Variants in CALN1 observed in about 807,000 individuals in gnomAD.
CALN1 encodes the protein calneuron 1.
In CALN1, 17 loss-of-function variants were observed where a neutral mutation model predicts 30.6. That is an observed-to-expected ratio of 0.56 (90% confidence interval 0.38 to 0.83). The LOEUF (loss-of-function observed/expected upper bound fraction) is 0.83, where lower values mean the gene tolerates loss of function less well. Among genes scored for constraint, CALN1 ranks in the 40% least tolerant of loss-of-function variants. The pLI is 0.00. For missense variants in CALN1, 291 were observed against 354.9 expected, an observed-to-expected ratio of 0.82 and a Z score of 1.45; for synonymous variants, 156 against 131.4, an observed-to-expected ratio of 1.19 and a Z score of -1.28.
At chr7:72,434,390 C>T (rs934234231) in intron 1 of CALN1, among the ~76,000 whole-genome samples, 15 of 150,732 alleles carry the variant, frequency 1.0e-4, no homozygotes, top group African/African-American at 2.4e-4. Flanking sequence ...GGCGTACTGG[C>T]GGGCACCTGT....
At chr7:72,124,362 A>T (rs1278013077) in intron 3 of CALN1, among the ~76,000 whole-genome samples, 1 of 152,230 alleles carries the variant, frequency 6.6e-6, no homozygotes, top group African/African-American at 2.4e-5. Context: ...TAAAAAGCAG[A>T]GGGAATTAAA....
intron 5 of CALN1, among the ~76,000 whole-genome samples, chr7:71,957,214 G>A (rs910453038): frequency 6.6e-6 from 1 of 152,126 alleles, no homozygotes; most frequent in Admixed American, 6.6e-5. Flanking sequence ...TTCTGTGAGA[G>A]AATTTTGATT....
intron 3 of CALN1, among the ~76,000 whole-genome samples, chr7:72,143,951 G>A (rs577365635): frequency 6.6e-6 from 1 of 152,300 alleles, no homozygotes; most frequent in Admixed American, 6.5e-5. Context: ...CACCAGGCCT[G>A]CCCTACAAGA....
the CALN1 span, among the ~76,000 whole-genome samples, chr7:72,480,875 C>T: frequency 4.6e-5 from 7 of 152,108 alleles, no homozygotes; most frequent in East Asian, 3.8e-4. Flanking sequence ...GAATCTCTAA[C>T]GATGTCACCT....
chr7:72,093,476 C>A (rs1360161893), intron 4 of CALN1, among the ~76,000 whole-genome samples: 1 of 152,102 alleles, frequency 6.6e-6, no homozygotes, highest in Non-Finnish European at 1.5e-5. Context: ...ACCTCCTTGC[C>A]CACTGAAAAG....
At chr7:72,173,212 TA>T (rs1789094501) in intron 3 of CALN1, among the ~76,000 whole-genome samples, 1 of 151,632 alleles carries the variant, frequency 6.6e-6, no homozygotes, top group Non-Finnish European at 1.5e-5. Flanking sequence ...GCAGTAGTAT[TA>T]AAAAAAGAAA....
intron 5 of CALN1, among the ~76,000 whole-genome samples, chr7:71,819,609 C>T (rs1788477906): frequency 6.6e-6 from 1 of 152,160 alleles, no homozygotes; most frequent in Non-Finnish European, 1.5e-5. Flanking sequence ...CAGACTGAAA[C>T]TTTGTACACT....
Position 72,011,117 on chromosome 7 carries a change from C to T in CALN1, c.501+12540G>A, listed in dbSNP as rs1174252185. 2.0e-5 allele frequency among the ~76,000 whole-genome samples: 3 copies of T among 150,046 alleles called. No individual in the cohort carries two copies. The East Asian group carries it at 5.9e-4, about 29-fold the overall frequency. ...GCAGTGAGCCGAGATGGCGCCACTG[C>T]ACTCCAGCCTGGCGACAGAGTGAGA... On this transcript the variant is annotated intron_variant, in intron 5 of 6. Transcript: ENST00000395275.
At position 71,785,486 on chromosome 7, in the gene CALN1, G is replaced by C. The variant is rs1032904144; in HGVS notation, c.*2289C>G. 9.8e-5 allele frequency: 15 copies of C among 152,304 alleles called. No homozygotes were observed. The highest frequency in any genetic ancestry group is 7.8e-4 in the Admixed American group (12 of 15,304). 9.4% of individuals were successfully genotyped at this position (152,304 alleles called of 1,614,324 possible). On this transcript the variant is annotated 3_prime_UTR_variant, in exon 7 of 7. Coordinates refer to ENST00000395275, the MANE Select transcript of CALN1 (RefSeq NM_031468.4). ...AGAAGTACTCATTTTCTGCCCTGAA[G>C]ACCAGCCTCAGCTGCAGCATTTCAG...
chr7:72,423,840 A>C (rs1221322549), intron 1 of CALN1, among the ~76,000 whole-genome samples: 1 of 151,474 alleles, frequency 6.6e-6, no homozygotes, highest in African/African-American at 2.4e-5. Flanking sequence ...AGAGAGACAA[A>C]GAAATAAAGA....
intron 3 of CALN1, among the ~76,000 whole-genome samples, chr7:72,170,520 A>G (rs953118884): frequency 6.6e-6 from 1 of 152,240 alleles, no homozygotes; most frequent in African/African-American, 2.4e-5. Flanking sequence ...TAACTTGGTT[A>G]AAGTCGCAGG....
chr7:72,108,400 T>G (rs940878466), intron 3 of CALN1, among the ~76,000 whole-genome samples: 1 of 152,238 alleles, frequency 6.6e-6, no homozygotes, highest in Non-Finnish European at 1.5e-5. Flanking sequence ...GGTTTTGAGA[T>G]TGCTACACTA....
chr7:72,287,535 C>T (rs1175862165), intron 2 of CALN1, among the ~76,000 whole-genome samples: 2 of 148,860 alleles, frequency 1.3e-5, no homozygotes. Context: ...CAAGCTCCGC[C>T]TCCTGGGTTC....
intron 2 of CALN1, among the ~76,000 whole-genome samples, chr7:72,330,445 G>C (rs1801588139): frequency 7.1e-6 from 1 of 140,300 alleles, no homozygotes; most frequent in Non-Finnish European, 1.5e-5. Context: ...TCCAGCCTGG[G>C]CAACAGAGCA....
At chr7:72,440,382 A>ATTC in intron 1 of CALN1, among the ~76,000 whole-genome samples, 1 of 152,308 alleles carries the variant, frequency 6.6e-6, no homozygotes, top group Admixed American at 6.5e-5. Flanking sequence ...GCTCAATTAT[A>ATTC]TTCTTATACA....
chr7:71,862,110 T>A (rs1472121308), intron 5 of CALN1, among the ~76,000 whole-genome samples: 1 of 152,254 alleles, frequency 6.6e-6, no homozygotes, highest in Non-Finnish European at 1.5e-5. Context: ...ATCCCGAGCC[T>A]AATTCTCAGG....
chr7:71,985,171 A>T (rs1041130794), intron 5 of CALN1, among the ~76,000 whole-genome samples: 34 of 152,188 alleles, frequency 2.2e-4, no homozygotes, highest in African/African-American at 8.0e-4. Flanking sequence ...CCAACTGGCC[A>T]ATAAAGACGG....
rs1294829586 is a variant in CALN1 at position 71,787,090 on chromosome 7, G to C, written c.*685C>G. ...AAATGCTGGTGCGGGATGGGCTCTA[G>C]GAACAGAAAGCCAAGTGCCGACGGA... is the stretch of plus-strand genomic sequence containing the variant. On this transcript the variant is annotated 3_prime_UTR_variant, in exon 7 of 7. Coordinates refer to ENST00000395275, the MANE Select transcript of CALN1 (RefSeq NM_031468.4). 3.3e-5 allele frequency: 5 copies of C among 152,734 alleles called. No homozygotes were observed. Among genetic ancestry groups the C allele is most frequent in the Non-Finnish European group, 5.9e-5 (4 of 68,128 alleles). 9.5% of individuals were successfully genotyped at this position (152,734 alleles called of 1,614,324 possible). A position where few individuals can be genotyped will look rare whatever the true frequency, so the allele number is the denominator to read the frequency against.
intron 1 of CALN1, among the ~76,000 whole-genome samples, chr7:72,446,057 A>G (rs1272142264): frequency 6.6e-6 from 1 of 151,710 alleles, no homozygotes; most frequent in African/African-American, 2.4e-5. Context: ...AGCCACAAGA[A>G]CCCATGCCCC....
Sources: gnomAD v4.1 joint callset for allele counts (sites outside exome capture counted in the v4.1 genomes callset) on GRCh38, gnomAD v4.1.1 for gene constraint, MANE v1.5 for transcripts, NCBI Gene and HGNC (gene_info 2026-07-23, HGNC 2026-07-21) for gene names.